The following NEGR1 variants were observed in gnomAD, a reference collection of about 807,000 sequenced individuals.
NEGR1 encodes IgLON family member 4.
A neutral mutation model predicts 40.9 loss-of-function variants in NEGR1; 10 were observed. The observed-to-expected ratio is 0.24, with a 90% CI of 0.15 to 0.42. The LOEUF (loss-of-function observed/expected upper bound fraction) is 0.42. Ranked by LOEUF, NEGR1 falls within the 10% of genes least tolerant of loss-of-function variation. The pLI is 1.00. For synonymous variants in NEGR1, 185 were observed against 166.8 expected (o/e 1.11, Z -0.84); for missense variants, 352 against 438.9 (o/e 0.80, Z 1.77).
intron 2 of NEGR1, among the ~76,000 whole-genome samples, chr1:71,894,231 T>TA (rs917318818): frequency 3.2e-5 from 4 of 125,936 alleles, no homozygotes; most frequent in South Asian, 2.6e-4. Context: ...ATAATAATAA[T>TA]AAAAAAAGAA....
chr1:72,174,782 G>A (rs191604366), intron 1 of NEGR1, among the ~76,000 whole-genome samples: 60 of 151,836 alleles, frequency 4.0e-4, no homozygotes, highest in Admixed American at 2.0e-3. Flanking sequence ...AAAAATTTTC[G>A]GCTTTATGCC....
chr1:72,048,271 A>G (rs928837650), intron 1 of NEGR1, among the ~76,000 whole-genome samples: 1 of 151,624 alleles, frequency 6.6e-6, no homozygotes, highest in East Asian at 1.9e-4. Flanking sequence ...ACATTACCTT[A>G]CAGAATGTTA....
At chr1:71,845,896 A>G (rs977635818) in intron 2 of NEGR1, among the ~76,000 whole-genome samples, 1 of 148,400 alleles carries the variant, frequency 6.7e-6, no homozygotes, top group African/African-American at 2.5e-5. Flanking sequence ...TGTAGCTAGG[A>G]CTACAAGGGC....
At chr1:71,537,347 C>A (rs1045896281) in intron 6 of NEGR1, among the ~76,000 whole-genome samples, 2 of 151,628 alleles carry the variant, frequency 1.3e-5, no homozygotes, top group African/African-American at 2.4e-5. Flanking sequence ...TATTAACATT[C>A]ATTATATCTA....
At chr1:71,499,653 T>C (rs1234673312) in intron 6 of NEGR1, among the ~76,000 whole-genome samples, 1 of 151,902 alleles carries the variant, frequency 6.6e-6, no homozygotes, top group Admixed American at 6.6e-5. Flanking sequence ...CTTATCCCAG[T>C]ATCATTTCTT....
At chr1:71,569,966 C>T (rs1648758400) in intron 6 of NEGR1, among the ~76,000 whole-genome samples, 1 of 135,724 alleles carries the variant, frequency 7.4e-6, no homozygotes, top group South Asian at 2.4e-4. Context: ...CACTGAATTA[C>T]ACAAAACAAG....
intron 1 of NEGR1, among the ~76,000 whole-genome samples, chr1:72,138,564 T>G (rs1371533065): frequency 1.3e-5 from 2 of 151,842 alleles, no homozygotes; most frequent in African/African-American, 4.8e-5. Flanking sequence ...AAAAGAAAGT[T>G]GGAATGACTG....
At chr1:72,060,849 A>AT (rs1647161072) in intron 1 of NEGR1, among the ~76,000 whole-genome samples, 1 of 151,642 alleles carries the variant, frequency 6.6e-6, no homozygotes, top group South Asian at 2.1e-4. Flanking sequence ...GATTTAAAAA[A>AT]TTGATTTACT....
intron 4 of NEGR1, among the ~76,000 whole-genome samples, chr1:71,669,856 TG>T (rs1173473512): frequency 1.3e-5 from 2 of 152,168 alleles, no homozygotes; most frequent in Non-Finnish European, 2.9e-5. Context: ...TTCACCAGGT[TG>T]GCCAGGATGG....
intron 1 of NEGR1, among the ~76,000 whole-genome samples, chr1:72,051,777 C>T (rs936519057): frequency 6.6e-6 from 1 of 151,450 alleles, no homozygotes; most frequent in African/African-American, 2.4e-5. Flanking sequence ...AATAAAGACA[C>T]TGCCAGTAAT....
At chr1:71,522,276 T>C (rs937455857) in intron 6 of NEGR1, among the ~76,000 whole-genome samples, 2 of 151,986 alleles carry the variant, frequency 1.3e-5, no homozygotes, top group African/African-American at 4.8e-5. Context: ...GATGTTGAAT[T>C]AGTGAATGCA....
chr1:72,090,110 T>C (rs1430580929), intron 1 of NEGR1, among the ~76,000 whole-genome samples: 1 of 152,076 alleles, frequency 6.6e-6, no homozygotes, highest in African/African-American at 2.4e-5. Flanking sequence ...ATTTTCTTAG[T>C]AAGAAGATAG....
At chr1:72,137,864 T>C (rs558778313) in intron 1 of NEGR1, among the ~76,000 whole-genome samples, 1 of 152,254 alleles carries the variant, frequency 6.6e-6, no homozygotes, top group South Asian at 2.1e-4. Context: ...TGACAGCAGA[T>C]TTCTTGTCAA....
chr1:71,637,910 C>A lies in NEGR1; in HGVS notation c.668-26764G>T, dbSNP rs185715739. On this transcript the variant is annotated intron_variant, in intron 4 of 6. Coordinates refer to ENST00000357731, the MANE Select transcript of NEGR1 (RefSeq NM_173808.3). ...GCAATGATAATTAATCTATACTAAG[C>A]ATATACTATTTGCCAAAACAGCACT... Among the ~76,000 whole-genome samples, 49 of 152,112 alleles carry A rather than the reference C, an allele frequency of 3.2e-4. 1 individual carries two copies. In the East Asian group the frequency reaches 9.1e-3, roughly 28 times the overall value.
At chr1:71,946,302 G>GT (rs200695822) in intron 1 of NEGR1, among the ~76,000 whole-genome samples, 5,220 of 151,736 alleles carry the variant, frequency 0.034, 166 homozygotes, top group Non-Finnish European at 0.049. Context: ...CTCAACCTCA[G>GT]TTTTTTTTCT....
chr1:72,094,449 A>C (rs1648622402), intron 1 of NEGR1, among the ~76,000 whole-genome samples: 1 of 152,168 alleles, frequency 6.6e-6, no homozygotes, highest in Non-Finnish European at 1.5e-5. Context: ...ACTGTTGCAA[A>C]ACATGTTTTT....
At chr1:71,895,736 T>A (rs564250345) in intron 2 of NEGR1, among the ~76,000 whole-genome samples, 4 of 152,236 alleles carry the variant, frequency 2.6e-5, no homozygotes, top group Non-Finnish European at 5.9e-5. Flanking sequence ...CTGGCTGTCA[T>A]CAGTAACGCT....
At chr1:72,047,048 C>CA (rs1429555251) in intron 1 of NEGR1, among the ~76,000 whole-genome samples, 2 of 151,276 alleles carry the variant, frequency 1.3e-5, no homozygotes, top group Non-Finnish European at 3.0e-5. Flanking sequence ...TACTTAGTAT[C>CA]AAAAAACCTT....
chr1:72,110,391 T>A (rs1021503817), intron 1 of NEGR1, among the ~76,000 whole-genome samples: 1 of 151,490 alleles, frequency 6.6e-6, no homozygotes, highest in Non-Finnish European at 1.5e-5. Context: ...ACTTGACAAC[T>A]TGATAGGTTT....
Sources: allele counts gnomAD v4.1 joint callset (sites outside exome capture counted in the v4.1 genomes callset), GRCh38; gene constraint gnomAD v4.1.1; transcripts MANE v1.5; gene names NCBI Gene and HGNC (gene_info 2026-07-23, HGNC 2026-07-21).